The following FAM171A1 variants were observed in gnomAD, a reference collection of about 807,000 sequenced individuals.
FAM171A1 encodes family with sequence similarity 171 member A1.
Under a neutral mutation model 74.9 loss-of-function variants are expected in FAM171A1, and 23 were observed. That is an observed-to-expected ratio of 0.31 (90% CI 0.22 to 0.44). The LOEUF (loss-of-function observed/expected upper bound fraction) is 0.44, where lower values mean the gene tolerates loss of function less well. Ranked by LOEUF, FAM171A1 falls within the 20% of genes least tolerant of loss-of-function variation. FAM171A1 has a pLI of 1.00. For synonymous variants in FAM171A1, 527 were observed against 505.7 expected (o/e 1.04, Z -0.57); for missense variants, 1,162 against 1,159.2 (o/e 1.00, Z -0.03).
intron 1 of FAM171A1, among the ~76,000 whole-genome samples, chr10:15,342,274 T>A (rs1835772964): frequency 6.6e-6 from 1 of 152,168 alleles, no homozygotes; most frequent in African/African-American, 2.4e-5. Context: ...GTGTAACTGT[T>A]AACAGGTGTT....
chr10:15,245,638 G>A (rs1268078426), intron 5 of FAM171A1, among the ~76,000 whole-genome samples: 1 of 152,206 alleles, frequency 6.6e-6, no homozygotes, highest in Non-Finnish European at 1.5e-5. Context: ...CTTGGCCAGG[G>A]CCACACAGCC....
At chr10:15,320,244 A>T (rs912444386) in intron 1 of FAM171A1, among the ~76,000 whole-genome samples, 1 of 152,196 alleles carries the variant, frequency 6.6e-6, no homozygotes, top group Non-Finnish European at 1.5e-5. Context: ...TTCCTGCATT[A>T]ATTCACTTAG....
intron 2 of FAM171A1, among the ~76,000 whole-genome samples, chr10:15,277,594 C>T (rs1367240290): frequency 2.0e-5 from 3 of 152,192 alleles, no homozygotes; most frequent in Non-Finnish European, 4.4e-5. Context: ...GGAAGTAACT[C>T]ACCCAATATC....
chr10:15,239,066 G>A (rs1248578503), intron 5 of FAM171A1, among the ~76,000 whole-genome samples: 4 of 152,134 alleles, frequency 2.6e-5, no homozygotes, highest in Non-Finnish European at 5.9e-5. Flanking sequence ...TCAGATGTCC[G>A]TCTGACAACC....
At chr10:15,248,837 C>T in intron 4 of FAM171A1, 22 bp from the exon 5 acceptor site, 1 of 1,587,864 alleles carries the variant, frequency 6.3e-7, no homozygotes, top group South Asian at 1.2e-5. Context: ...AGGCATTTTC[C>T]ATCATTTGCA....
At chr10:15,267,853 C>A (rs1834767403) in intron 3 of FAM171A1, among the ~76,000 whole-genome samples, 1 of 134,712 alleles carries the variant, frequency 7.4e-6, no homozygotes, top group East Asian at 2.2e-4. Flanking sequence ...TCACTGCAGA[C>A]CCTGCAGTTC....
intron 1 of FAM171A1, among the ~76,000 whole-genome samples, chr10:15,285,833 G>A (rs912297529): frequency 1.3e-5 from 2 of 152,158 alleles, no homozygotes; most frequent in African/African-American, 2.4e-5. Flanking sequence ...TCAATGAGCC[G>A]GCTGCAGGCT....
chr10:15,251,421 T>TA (rs770761479), intron 4 of FAM171A1, among the ~76,000 whole-genome samples: 99 of 150,400 alleles, frequency 6.6e-4, no homozygotes, highest in East Asian at 1.2e-3. Context: ...TTTTTTTTTT[T>TA]AGACAGAGTC....
chr10:15,297,202 G>A (rs1006742121), intron 1 of FAM171A1, among the ~76,000 whole-genome samples: 4 of 151,932 alleles, frequency 2.6e-5, no homozygotes, highest in Non-Finnish European at 2.9e-5. Flanking sequence ...GGGATTACAG[G>A]AGCACACCAC....
At chr10:15,261,603 A>AAG (rs1392968888) in intron 3 of FAM171A1, among the ~76,000 whole-genome samples, 3 of 152,222 alleles carry the variant, frequency 2.0e-5, no homozygotes, top group Non-Finnish European at 4.4e-5. Context: ...GATAAACTTC[A>AAG]AGAGAGAGAG....
chr10:15,245,740 T>A (rs1036759954), intron 5 of FAM171A1, among the ~76,000 whole-genome samples: 1 of 152,146 alleles, frequency 6.6e-6, no homozygotes, highest in Non-Finnish European at 1.5e-5. Context: ...TGCATTGACC[T>A]GGGTGCGCTT....
At chr10:15,347,107 C>T (rs2131875972) in intron 1 of FAM171A1, among the ~76,000 whole-genome samples, 1 of 152,270 alleles carries the variant, frequency 6.6e-6, no homozygotes, top group South Asian at 2.1e-4. Flanking sequence ...CATTCTGCAT[C>T]TCTGAGCAAC....
intron 1 of FAM171A1, among the ~76,000 whole-genome samples, chr10:15,331,568 C>G (rs1159043698): frequency 1.3e-5 from 2 of 151,876 alleles, no homozygotes; most frequent in Non-Finnish European, 2.9e-5. Flanking sequence ...AATGTAACCA[C>G]CAATATCAGA....
intron 1 of FAM171A1, among the ~76,000 whole-genome samples, chr10:15,309,756 A>G (rs1273837107): frequency 1.3e-5 from 2 of 152,252 alleles, no homozygotes; most frequent in South Asian, 4.1e-4. Flanking sequence ...GACTTGCAGG[A>G]AATCTGCATT....
At chr10:15,269,277 AT>A (rs552588090) in intron 3 of FAM171A1, among the ~76,000 whole-genome samples, 1 of 150,356 alleles carries the variant, frequency 6.7e-6, no homozygotes, top group Admixed American at 6.7e-5. Context: ...GCATACACAG[AT>A]TTTTTTTCAT....
intron 1 of FAM171A1, among the ~76,000 whole-genome samples, chr10:15,359,972 T>A (rs1835974979): frequency 6.6e-6 from 1 of 152,230 alleles, no homozygotes; most frequent in African/African-American, 2.4e-5. Flanking sequence ...TCTTGTTCTG[T>A]TGCTCCGGTT....
intron 3 of FAM171A1, among the ~76,000 whole-genome samples, chr10:15,257,638 G>T (rs1834597695): frequency 6.6e-6 from 1 of 152,074 alleles, no homozygotes; most frequent in South Asian, 2.1e-4. Context: ...GATCCTCATG[G>T]AAAGGATATG....
In FAM171A1 at chr10:15,214,032, A is replaced by G. The variant is rs1833932370; in HGVS notation, c.1556T>C (p.Leu519Pro). ...TGSKLTIQEH[L>P]YPAPSSPEKE... ...CTCAGGTGATGAAGGCGCGGGGTACAGATGTTCCTGAATGGTGAGTTTGCT... is the reference window on the plus strand; with the variant it reads ...CTCAGGTGATGAAGGCGCGGGGTACGGATGTTCCTGAATGGTGAGTTTGCT... The change falls in exon 8 of 8, where the codon CTG (leucine) becomes CCG (proline). Residue 519 changes from leucine to proline, a missense_variant. Leu to Pro is a moderately conservative substitution (Grantham distance 98, BLOSUM62 -3). Coordinates refer to ENST00000378116, the MANE Select transcript of FAM171A1 (RefSeq NM_001010924.2). 6.2e-7 allele frequency: 1 copy of G among 1,614,188 alleles called. No individual in the cohort carries two copies. The highest frequency in any genetic ancestry group is 8.5e-7 in the Non-Finnish European group (1 of 1,180,024).
chr10:15,325,449 G>A (rs1588554622), intron 1 of FAM171A1, among the ~76,000 whole-genome samples: 1 of 152,092 alleles, frequency 6.6e-6, no homozygotes, highest in African/African-American at 2.4e-5. Flanking sequence ...CTGAGTCTGC[G>A]GTGAGCTACG....
Sources: gnomAD v4.1 joint callset for allele counts (sites outside exome capture counted in the v4.1 genomes callset) on GRCh38, gnomAD v4.1.1 for gene constraint, MANE v1.5 for transcripts, NCBI Gene and HGNC (gene_info 2026-07-23, HGNC 2026-07-21) for gene names.